The following PHAF1 variants were observed in gnomAD, a reference collection of about 807,000 sequenced individuals.
PHAF1 encodes the protein phagophore assembly factor 1.
A neutral mutation model predicts 63.1 loss-of-function variants in PHAF1; 23 were observed. That is an observed-to-expected ratio of 0.36 (90% CI 0.26 to 0.52). The LOEUF (loss-of-function observed/expected upper bound fraction) is 0.52. Among genes scored for constraint, PHAF1 ranks in the 20% least tolerant of loss-of-function variants. PHAF1 has a pLI of 0.93. For synonymous variants in PHAF1, 167 were observed against 185.0 expected (o/e 0.90, Z 0.79); for missense variants, 427 against 517.2 (o/e 0.83, Z 1.69).
intron 1 of PHAF1, among the ~76,000 whole-genome samples, chr16:67,112,530 T>A (rs1435369338): frequency 1.3e-5 from 2 of 151,688 alleles, no homozygotes; most frequent in Non-Finnish European, 2.9e-5. Flanking sequence ...AGAGAGACCC[T>A]GTCTCAAGGA....
At chr16:67,140,247 T>G in intron 9 of PHAF1, 130 bp downstream of exon 9, 1 of 1,241,476 alleles carries the variant, frequency 8.1e-7, no homozygotes, top group Non-Finnish European at 1.1e-6. Context: ...AATTGAAAAC[T>G]GTTTTCTAAC....
chr16:67,124,093 A>G (rs1317732570), intron 2 of PHAF1, among the ~76,000 whole-genome samples: 1 of 152,164 alleles, frequency 6.6e-6, no homozygotes, highest in Non-Finnish European at 1.5e-5. Context: ...ATCCTGAATT[A>G]TAACAATGCC....
chr16:67,144,286 T>C lies in PHAF1; in HGVS notation c.880-8T>C. 1 of 1,604,196 alleles carries C rather than the reference T, an allele frequency of 6.2e-7. No individual in the cohort carries two copies. Among genetic ancestry groups the C allele is most frequent in the African/African-American group, 1.3e-5 (1 of 74,834 alleles). On this transcript the variant is annotated splice_polypyrimidine_tract_variant and splice_region_variant and intron_variant, in intron 10 of 15. Transcript: ENST00000219139. Reference sequence around the variant, plus strand: ...TCCCTCCTTGAGTACCCTTGTTTTCTATCCCAGGACATCCTCTTTGATGCG... The same window carrying C: ...TCCCTCCTTGAGTACCCTTGTTTTCCATCCCAGGACATCCTCTTTGATGCG...
At chr16:67,117,310 A>C in intron 1 of PHAF1, among the ~76,000 whole-genome samples, 1 of 148,188 alleles carries the variant, frequency 6.7e-6, no homozygotes, top group Admixed American at 6.7e-5. Context: ...CGGCCTCCCA[A>C]AGTGCTGGGA....
intron 4 of PHAF1, 40 bp from the exon 5 acceptor site, chr16:67,132,406 C>A: frequency 6.6e-7 from 1 of 1,512,872 alleles, no homozygotes; most frequent in Non-Finnish European, 9.0e-7. Context: ...GTGGGCCCAT[C>A]TTGTGAAGCC....
chr16:67,116,901 A>G (rs748829870), intron 1 of PHAF1, among the ~76,000 whole-genome samples: 2 of 152,184 alleles, frequency 1.3e-5, no homozygotes, highest in Non-Finnish European at 2.9e-5. Flanking sequence ...AGCAGGGTAC[A>G]AGGGATCCAG....
At chr16:67,139,874 C>G in intron 8 of PHAF1, 110 bp from the exon 9 acceptor site, 1 of 1,301,414 alleles carries the variant, frequency 7.7e-7, no homozygotes, top group African/African-American at 1.5e-5. Context: ...AGTCTTGCCC[C>G]TTGCCAGACC....
chr16:67,122,227 CATT>C (rs1036066189), intron 2 of PHAF1, among the ~76,000 whole-genome samples: 1 of 152,158 alleles, frequency 6.6e-6, no homozygotes, highest in African/African-American at 2.4e-5. Context: ...TCACCATCAT[CATT>C]GTCTGTTATT....
chr16:67,110,017 G>T lies in PHAF1; in HGVS notation c.-159G>T. ...GAGGTGAAGTGAGGTGAGGTGTGGT[G>T]TTGGGCCGGTGCTGCTGCCGCTGCC... On this transcript the variant is annotated 5_prime_UTR_variant, in exon 1 of 16. Transcript: ENST00000219139. 1 of 691,382 alleles carries T rather than the reference G, an allele frequency of 1.4e-6. No homozygotes were observed. The highest frequency in any genetic ancestry group is 2.5e-6 in the Non-Finnish European group (1 of 406,274). The allele number at this position is 691,382 out of a possible 1,614,324, so 42.8% of individuals were successfully genotyped here. A position where few individuals can be genotyped will look rare whatever the true frequency, so the allele number is the denominator to read the frequency against.
intron 10 of PHAF1, 86 bp downstream of exon 10, chr16:67,140,680 G>A (rs1963776251): frequency 2.7e-6 from 3 of 1,092,248 alleles, no homozygotes; most frequent in Non-Finnish European, 4.2e-6. Flanking sequence ...ACATGCAGCT[G>A]GAACCATGCC....
Position 67,144,820 on chromosome 16 carries a change from T to C in PHAF1, c.963-14T>C. 6.2e-7 allele frequency: 1 copy of C among 1,614,040 alleles called. No individual in the cohort carries two copies. The highest frequency in any genetic ancestry group is 8.5e-7 in the Non-Finnish European group (1 of 1,179,900). ...CTAGGAGGCCCAGCCTTTACCCATT[T>C]GCCTTCTCTCTAGTTATCATCGCTG... On this transcript the variant is annotated splice_polypyrimidine_tract_variant and intron_variant, in intron 11 of 15. Transcript: ENST00000219139.
Position 67,131,275 on chromosome 16 carries a change from C to A in PHAF1, c.232-11C>A. ...TTTCAGAGCATTGACAACTCTTAAA[C>A]TTTTTTTTAGGTGATCGAAGTATGT... On this transcript the variant is annotated splice_polypyrimidine_tract_variant and intron_variant, in intron 3 of 15. Coordinates refer to ENST00000219139, the MANE Select transcript of PHAF1 (RefSeq NM_025187.5). The A allele has an allele frequency of 1.4e-6, 2 of 1,450,832 alleles. No homozygotes were observed. The highest frequency in any genetic ancestry group is 1.9e-6 in the Non-Finnish European group (2 of 1,079,680). The allele number at this position is 1,450,832 out of a possible 1,614,324, so 89.9% of individuals were successfully genotyped here. A position where few individuals can be genotyped will look rare whatever the true frequency, so the allele number is the denominator to read the frequency against.
chr16:67,117,833 G>C (rs1025361993), intron 1 of PHAF1, among the ~76,000 whole-genome samples: 2 of 143,700 alleles, frequency 1.4e-5, no homozygotes, highest in African/African-American at 5.2e-5. Context: ...TTCCTCCTGA[G>C]ACAGCACCTG....
chr16:67,130,859 C>A (rs1003596972), intron 3 of PHAF1, among the ~76,000 whole-genome samples: 1 of 152,278 alleles, frequency 6.6e-6, no homozygotes, highest in Middle Eastern at 3.4e-3. Context: ...CCATGGACAT[C>A]TGTTGAGCAG....
rs751192450 is a variant in PHAF1, at chr16:67,120,171, G to A, written c.124G>A (p.Val42Ile). The change falls in exon 2 of 16, where the codon GTC becomes ATC. Residue 42 changes from valine (V) to isoleucine (I), a missense_variant. Coordinates refer to ENST00000219139, the MANE Select transcript of PHAF1 (RefSeq NM_025187.5). ...LQKHCRIIKN[V>I]QVLYSEQSPL... ...GAAGCACTGTCGCATCATCAAAAAC[G>A]TCCAGGTTCTCTACAGTGAACAGGT... 95 of 1,613,904 alleles carry A rather than the reference G, an allele frequency of 5.9e-5. No homozygotes were observed. The highest frequency in any genetic ancestry group is 1.1e-4 in the African/African-American group (8 of 74,928).
intron 8 of PHAF1, 64 bp from the exon 9 acceptor site, chr16:67,139,920 G>A: frequency 6.3e-7 from 1 of 1,595,894 alleles, no homozygotes; most frequent in Non-Finnish European, 8.6e-7. Context: ...CTTCTCTGGG[G>A]CCCCCAGAGA....
Position 67,147,125 on chromosome 16 carries a change from C to G in PHAF1, c.1263C>G (p.Leu421=). The part of the protein sequence containing the change: ...RPGSHLRTAE[L]P ...GTAGCCACCTGAGAACAGCGGAACT[C>G]CCCTAGGGACACCACCACCCATGCC... The change falls in exon 16 of 16, where the codon CTC becomes CTG. Residue 421 remains leucine, a synonymous_variant. Coordinates refer to ENST00000219139, the MANE Select transcript of PHAF1 (RefSeq NM_025187.5). 6.2e-7 allele frequency: 1 copy of G among 1,610,692 alleles called. No homozygotes were observed. Among genetic ancestry groups the G allele is most frequent in the Non-Finnish European group, 8.5e-7 (1 of 1,176,978 alleles).
Position 67,115,128 on chromosome 16 carries a change from G to C in PHAF1, c.64+4889G>C, listed in dbSNP as rs532422850. On this transcript the variant is annotated intron_variant, in intron 1 of 15. Transcript: ENST00000219139. ...AGAAGGAGGGTGGTCAACAGGATTC[G>C]TGGTATAGGACCTAAGTGTTCTACC... Among the ~76,000 whole-genome samples the C allele has an allele frequency of 9.2e-5, 14 of 152,292 alleles. No individual in the cohort carries two copies. In the South Asian group the frequency reaches 2.3e-3, roughly 25 times the overall value.
At chr16:67,113,379 A>G (rs1962597888) in intron 1 of PHAF1, among the ~76,000 whole-genome samples, 1 of 152,108 alleles carries the variant, frequency 6.6e-6, no homozygotes. Flanking sequence ...TATGAATGTC[A>G]CTGATGATTT....
Sources: gnomAD v4.1 joint callset for allele counts (sites outside exome capture counted in the v4.1 genomes callset) on GRCh38, gnomAD v4.1.1 for gene constraint, MANE v1.5 for transcripts, NCBI Gene and HGNC (gene_info 2026-07-23, HGNC 2026-07-21) for gene names.